The following C8orf88 variants were observed in gnomAD, a reference collection of about 807,000 sequenced individuals.
The protein encoded by C8orf88 is uncharacterized protein C8orf88.
In C8orf88, 14 loss-of-function variants were observed where a neutral mutation model predicts 18.4. The observed-to-expected ratio is 0.76, with a 90% CI of 0.50 to 1.19. C8orf88 has a LOEUF of 1.19. Among genes scored for constraint, C8orf88 ranks in the 50% most tolerant of loss-of-function variants. C8orf88 has a pLI of 0.00. For synonymous variants in C8orf88, 45 were observed against 42.9 expected, an observed-to-expected ratio of 1.05 and a Z score of -0.19; for missense variants, 116 against 134.7, an observed-to-expected ratio of 0.86 and a Z score of 0.69.
chr8:90,978,794 A>C, intron 2 of C8orf88, 142 bp from the exon 3 acceptor site: 1 of 497,676 alleles, frequency 2.0e-6, no homozygotes, highest in Non-Finnish European at 3.5e-6. Context: ...ACATTCATCC[A>C]ACCTTATGAA....
Position 90,975,106 on chromosome 8 carries a change from T to C in C8orf88, c.147+3473A>G, listed in dbSNP as rs138943914. ...AGGGATATGTCATGTTAATAGATCA[T>C]AAGATGTCAATTCTTCCCATATTAA... On this transcript the variant is annotated intron_variant, in intron 3 of 5. Transcript: ENST00000517562. Among the ~76,000 whole-genome samples the C allele has an allele frequency of 6.8e-4, 103 of 152,304 alleles. 2 individuals are homozygous for C. The highest frequency in any genetic ancestry group is 4.4e-3 in the Admixed American group (68 of 15,294).
chr8:90,973,458 T>C (rs1270257261), intron 3 of C8orf88, among the ~76,000 whole-genome samples: 5 of 152,066 alleles, frequency 3.3e-5, no homozygotes. Context: ...AATTCCCCAA[T>C]ATGCATGCCC....
intron 4 of C8orf88, among the ~76,000 whole-genome samples, chr8:90,962,236 A>G (rs1811137482): frequency 6.6e-6 from 1 of 151,688 alleles, no homozygotes; most frequent in Non-Finnish European, 1.5e-5. Flanking sequence ...AGAACAGAAT[A>G]AAGATATTTT....
chr8:90,966,566 C>CAA (rs749426612), intron 4 of C8orf88, among the ~76,000 whole-genome samples: 2 of 115,498 alleles, frequency 1.7e-5, no homozygotes, highest in Non-Finnish European at 3.7e-5. Context: ...GGCGACTCAC[C>CAA]AAAAAAAAAA....
At chr8:90,984,916 C>T (rs1811483014) in intron 1 of C8orf88, among the ~76,000 whole-genome samples, 198 bp downstream of exon 1, 1 of 152,162 alleles carries the variant, frequency 6.6e-6, no homozygotes, top group South Asian at 2.1e-4. Context: ...CCGACGCTCT[C>T]GCTCCCATCC....
At position 90,985,205 on chromosome 8, in the gene C8orf88, G is replaced by T; in HGVS notation, c.-118C>A. 1 of 150,566 alleles carries T rather than the reference G, an allele frequency of 6.6e-6. No homozygotes were observed. Among genetic ancestry groups the T allele is most frequent in the South Asian group, 2.0e-4 (1 of 4,996 alleles). 9.3% of individuals were successfully genotyped at this position (150,566 alleles called of 1,614,324 possible). A position where few individuals can be genotyped will look rare whatever the true frequency, so the allele number is the denominator to read the frequency against. ...AGCGCCCTGCTGCCCGTCGGGGAAC[G>T]GCTCCTGCCGCTGGTCCGCTGGCTG... is the stretch of plus-strand genomic sequence containing the variant. On this transcript the variant is annotated 5_prime_UTR_variant, in exon 1 of 6. Transcript: ENST00000517562.
chr8:90,983,496 T>C (rs1265723409), intron 1 of C8orf88, among the ~76,000 whole-genome samples: 2 of 152,142 alleles, frequency 1.3e-5, no homozygotes, highest in Non-Finnish European at 2.9e-5. Context: ...TAAGTATGAA[T>C]CTTCAGGCCT....
chr8:90,985,374 C>G (rs1811495082), upstream of C8orf88: 1 of 151,934 alleles, frequency 6.6e-6, no homozygotes, highest in Non-Finnish European at 1.5e-5. Context: ...CAGCCGCACC[C>G]CTGCCGGGGT....
At chr8:90,965,580 A>AGCACACATGTTCC (rs1466121963) in intron 4 of C8orf88, among the ~76,000 whole-genome samples, 54 of 151,962 alleles carry the variant, frequency 3.6e-4, no homozygotes, top group African/African-American at 1.2e-3. Flanking sequence ...ATGGAACCAC[A>AGCACACATGTTCC]GCACACATGT....
chr8:90,968,657 CAT>C (rs34558575), intron 4 of C8orf88, among the ~76,000 whole-genome samples: 2,863 of 72,752 alleles, frequency 0.039, 287 homozygotes, highest in Middle Eastern at 0.1. Context: ...GAAAAGACAA[CAT>C]ATATATATAT....
intron 5 of C8orf88, 147 bp from the exon 6 acceptor site, chr8:90,959,177 G>A (rs1038856255): frequency 2.9e-5 from 12 of 417,436 alleles, no homozygotes; most frequent in Non-Finnish European, 4.2e-5. Context: ...AACTAGAACT[G>A]TCAAATAACA....
At chr8:90,984,687 C>T (rs1225411385) in intron 1 of C8orf88, among the ~76,000 whole-genome samples, 2 of 152,136 alleles carry the variant, frequency 1.3e-5, no homozygotes, top group Admixed American at 6.5e-5. Context: ...ATGTAACTGT[C>T]CTTTCCGTAG....
chr8:90,982,904 A>G (rs1390171003), intron 1 of C8orf88, among the ~76,000 whole-genome samples: 1 of 152,172 alleles, frequency 6.6e-6, no homozygotes, highest in East Asian at 1.9e-4. Context: ...TTATTATTGT[A>G]AAACTGAGTC....
rs960872932 is a variant in C8orf88, at chr8:90,970,415, A to C, written c.223+651T>G. On this transcript the variant is annotated intron_variant, in intron 4 of 5. Coordinates refer to ENST00000517562, the MANE Select transcript of C8orf88 (RefSeq NM_001190972.2). ...ACTTTTAAACTACATACATTAATTG[A>C]CAAAAATTTGGAAACTAAAATCATT... Among the ~76,000 whole-genome samples the C allele has an allele frequency of 2.6e-5, 4 of 152,178 alleles. 1 individual carries two copies. The Middle Eastern group carries it at 0.01, about 388-fold the overall frequency.
intron 3 of C8orf88, among the ~76,000 whole-genome samples, chr8:90,976,822 A>C (rs1425440775): frequency 1.3e-5 from 2 of 152,224 alleles, no homozygotes; most frequent in East Asian, 3.9e-4. Flanking sequence ...TAGACTACAC[A>C]CCTAAATATG....
At chr8:90,960,615 A>C in intron 5 of C8orf88, 127 bp downstream of exon 5, 1 of 485,702 alleles carries the variant, frequency 2.1e-6, no homozygotes. Flanking sequence ...AGATTTTTGT[A>C]GTTTTCTGAA....
chr8:90,970,361 A>G (rs2130311341), intron 4 of C8orf88, among the ~76,000 whole-genome samples: 1 of 151,734 alleles, frequency 6.6e-6, no homozygotes, highest in East Asian at 1.9e-4. Flanking sequence ...TATTAGAAGA[A>G]AAAAATTAAT....
chr8:90,979,606 G>A (rs1267080069), intron 2 of C8orf88, among the ~76,000 whole-genome samples: 1 of 152,128 alleles, frequency 6.6e-6, no homozygotes, highest in Non-Finnish European at 1.5e-5. Flanking sequence ...TGCTTCATTT[G>A]TAAACTCAAC....
intron 1 of C8orf88, among the ~76,000 whole-genome samples, chr8:90,983,295 T>C (rs1811460329): frequency 6.6e-6 from 1 of 152,158 alleles, no homozygotes; most frequent in African/African-American, 2.4e-5. Flanking sequence ...AAAAAAACTT[T>C]CTATTAATAC....
Sources: allele counts gnomAD v4.1 joint callset (sites outside exome capture counted in the v4.1 genomes callset), GRCh38; gene constraint gnomAD v4.1.1; transcripts MANE v1.5; gene names NCBI Gene and HGNC (gene_info 2026-07-23, HGNC 2026-07-21).